The following SETD1A variants were observed in gnomAD, a reference collection of about 807,000 sequenced individuals.
SETD1A encodes histone-lysine N-methyltransferase SETD1A.
Under a neutral mutation model 149.9 loss-of-function variants are expected in SETD1A, and 29 were observed. That is an observed-to-expected ratio of 0.19 (90% confidence interval 0.14 to 0.26). The LOEUF is 0.26. Among genes scored for constraint, SETD1A ranks in the 10% least tolerant of loss-of-function variants. The probability of loss-of-function intolerance (pLI) is 1.00; values close to 1 mark genes in which losing one functional copy is unlikely to be tolerated. For synonymous variants in SETD1A, 1,141 were observed against 968.5 expected (o/e 1.18, Z -3.31); for missense variants, 2,109 against 2,353.1 (o/e 0.90, Z 2.15).
At position 30,980,151 on chromosome 16, in the gene SETD1A, C is replaced by T. The variant is rs770635944; in HGVS notation, c.4365C>T (p.Ser1455=). 26 of 1,610,156 alleles carry T rather than the reference C, an allele frequency of 1.6e-5. No individual in the cohort carries two copies. Among genetic ancestry groups the T allele is most frequent in the Non-Finnish European group, 2.1e-5 (25 of 1,178,706 alleles). The change falls in exon 14 of 19, where the codon AGC becomes AGT. Residue 1455 remains serine (S), a synonymous_variant. Transcript: ENST00000262519. The surrounding 1 kb of genome is among the most constrained non-coding windows in gnomAD (Gnocchi z 7.7). ...LTYERLLQQT[S]GADWLNDTHW... ...ACGAGCGGCTGCTGCAGCAGACAAG[C>T]GGGGCTGACTGGCTCAACGACACTC...
chr16:30,979,408 C>T lies in SETD1A; in HGVS notation c.3622C>T (p.Arg1208Cys), dbSNP rs371646434. The stretch of plus-strand genomic sequence containing the variant: ...TCCCCGGGGCGTGGAGCGGACCATC[C>T]GCAACCTGCCCCTGGACCACGCATC... ...KAPRGVERTI[R>C]NLPLDHASLV... is the part of the protein sequence containing the mutation. Residue 1208 changes from arginine to cysteine, a missense_variant, in exon 14 of 19, where the codon CGC (arginine) becomes TGC (cysteine). Arg to Cys is a radical substitution (Grantham distance 180, BLOSUM62 -3). Coordinates refer to ENST00000262519, the MANE Select transcript of SETD1A (RefSeq NM_014712.3). 90 of 1,611,470 alleles carry T rather than the reference C, an allele frequency of 5.6e-5. 2 individuals are homozygous for T. In the South Asian group the frequency reaches 7.1e-4, roughly 13 times the overall value.
At chr16:30,967,679 G>T in intron 10 of SETD1A, 91 bp downstream of exon 10, 1 of 1,065,294 alleles carries the variant, frequency 9.4e-7, no homozygotes, top group African/African-American at 1.6e-5. Flanking sequence ...AGGTCGTCCT[G>T]AGGGCACAGC....
At chr16:30,977,942 A>G (rs1469627601) in intron 13 of SETD1A, among the ~76,000 whole-genome samples, 1 of 152,156 alleles carries the variant, frequency 6.6e-6, no homozygotes, top group African/African-American at 2.4e-5. Context: ...GTCATCTGGT[A>G]ACTGACCACA....
Position 30,964,874 on chromosome 16 carries a change from C to T in SETD1A, c.1132C>T (p.Arg378Cys), listed in dbSNP as rs1484904351. The T allele has an allele frequency of 9.3e-6, 15 of 1,614,108 alleles. No homozygotes were observed. Among genetic ancestry groups the T allele is most frequent in the African/African-American group, 2.7e-5 (2 of 74,928 alleles). ...AYYESWNRYQRHTSYPPRRAT... is the reference protein window; with the variant it reads ...AYYESWNRYQCHTSYPPRRAT... ...TTATGAAAGCTGGAATCGCTACCAG[C>T]GCCATACTTCCTACCCACCACGCCG... is the stretch of plus-strand genomic sequence containing the variant. The change falls in exon 7 of 19, where the codon CGC (arginine) becomes TGC (cysteine). Residue 378 changes from arginine to cysteine, a missense_variant. This residue lies in a region of SETD1A where 410 missense variants were observed against 394.8 expected (regional missense o/e 1.04). Transcript: ENST00000262519.
chr16:30,970,563 C>T (rs72799363), intron 12 of SETD1A, among the ~76,000 whole-genome samples: 24,139 of 152,178 alleles, frequency 0.16, 2,409 homozygotes, highest in Non-Finnish European at 0.23. Flanking sequence ...CCACTGCACG[C>T]AGCCTCTTGC....
At position 30,961,237 on chromosome 16, in the gene SETD1A, A is replaced by C; in HGVS notation, c.247-30A>C. On this transcript the variant is annotated intron_variant, in intron 3 of 18. Transcript: ENST00000262519. The surrounding 1 kb of genome is among the most constrained non-coding windows in gnomAD (Gnocchi z 4.0). Reference sequence around the variant, plus strand: ...CAAAGGAACAGTGGTCAGTGTTGAGACCCCATACCAACTCCTGTTCTTTCC... The same window carrying C: ...CAAAGGAACAGTGGTCAGTGTTGAGCCCCCATACCAACTCCTGTTCTTTCC... The C allele has an allele frequency of 1.9e-6, 3 of 1,611,526 alleles. No individual in the cohort carries two copies. The highest frequency in any genetic ancestry group is 2.5e-6 in the Non-Finnish European group (3 of 1,178,148).
Position 30,961,515 on chromosome 16 carries a change from C to T in SETD1A, c.495C>T (p.Ile165=). ...LHLTSVMGNI[I]HAQLDIKGQQ... ...TTACCTCCGTCATGGGCAACATCAT[C>T]CATGCCCAGCTTGACATCAAAGGTG... Residue 165 remains isoleucine, a synonymous_variant, in exon 4 of 19, where the codon ATC becomes ATT. Coordinates refer to ENST00000262519, the MANE Select transcript of SETD1A (RefSeq NM_014712.3). The surrounding 1 kb of genome is among the most constrained non-coding windows in gnomAD (Gnocchi z 4.0). 1 of 1,614,040 alleles carries T rather than the reference C, an allele frequency of 6.2e-7. No individual in the cohort carries two copies. Among genetic ancestry groups the T allele is most frequent in the Non-Finnish European group, 8.5e-7 (1 of 1,179,988 alleles).
chr16:30,963,623 C>T, intron 5 of SETD1A, 69 bp downstream of exon 5: 1 of 1,513,654 alleles, frequency 6.6e-7, no homozygotes, highest in Non-Finnish European at 8.9e-7. Flanking sequence ...GGAGCAGGAG[C>T]AGTCTTCGGG....
At position 30,983,364 on chromosome 16, in the gene SETD1A, G is replaced by C. The variant is rs529524064; in HGVS notation, c.4813-271G>C. ...CCCCACTGTGACCAGGCAGATGCTC[G>C]AAGGAGTCAGTGGCTCTCTTACCCA... On this transcript the variant is annotated intron_variant, in intron 17 of 18. Coordinates refer to ENST00000262519, the MANE Select transcript of SETD1A (RefSeq NM_014712.3). The surrounding 1 kb of genome is among the most constrained non-coding windows in gnomAD (Gnocchi z 6.8). Among the ~76,000 whole-genome samples the C allele has an allele frequency of 3.3e-5, 5 of 152,296 alleles. No individual in the cohort carries two copies. The East Asian group carries it at 9.6e-4, about 29-fold the overall frequency.
Position 30,965,593 on chromosome 16 carries a change from C to G in SETD1A, c.1720-8C>G. 1 of 1,611,746 alleles carries G rather than the reference C, an allele frequency of 6.2e-7. No homozygotes were observed. The highest frequency in any genetic ancestry group is 8.5e-7 in the Non-Finnish European group (1 of 1,179,094). ...GAAGCCTTCTGTGACCCTCTTCTGC[C>G]CCCGCAGGCTTCTCCATGCTCTTCT... On this transcript the variant is annotated splice_region_variant and splice_polypyrimidine_tract_variant and intron_variant, in intron 7 of 18. Transcript: ENST00000262519.
At position 30,957,842 on chromosome 16, in the gene SETD1A, A is replaced by C. The variant is rs1461186237; in HGVS notation, c.-138A>C. On this transcript the variant is annotated 5_prime_UTR_variant, in exon 1 of 19. Coordinates refer to ENST00000262519, the MANE Select transcript of SETD1A (RefSeq NM_014712.3). ...CCAATCTCCAAGCTCCCTGGGCCGC[A>C]ACTTCCGAGCCTCCCAGGGCGCCGG... is the stretch of plus-strand genomic sequence containing the variant. 6.6e-6 allele frequency: 1 copy of C among 152,162 alleles called. No individual in the cohort carries two copies. The highest frequency in any genetic ancestry group is 1.5e-5 in the Non-Finnish European group (1 of 68,018). 9.4% of individuals were successfully genotyped at this position (152,162 alleles called of 1,614,324 possible).
chr16:30,960,064 C>T (rs146521121), intron 3 of SETD1A, among the ~76,000 whole-genome samples: 13 of 152,256 alleles, frequency 8.5e-5, no homozygotes, highest in African/African-American at 2.4e-4. Context: ...AGTTGGTCAC[C>T]GAATCCTCCT....
chr16:30,969,838 G>A, intron 12 of SETD1A, 149 bp downstream of exon 12: 1 of 664,032 alleles, frequency 1.5e-6, no homozygotes, highest in Non-Finnish European at 2.7e-6. Context: ...CACATTCTTA[G>A]GAACCCTTGG....
chr16:30,966,588 G>A (rs1209158704), intron 8 of SETD1A, among the ~76,000 whole-genome samples: 1 of 152,230 alleles, frequency 6.6e-6, no homozygotes, highest in Non-Finnish European at 1.5e-5. Flanking sequence ...AGGCAGCAGA[G>A]CTTTGTCCTG....
rs1172987083 is a variant in SETD1A, at chr16:30,981,174, C to G, written c.4806C>G (p.Ile1602Met). The G allele has an allele frequency of 6.2e-7, 1 of 1,614,086 alleles. No homozygotes were observed. The highest frequency in any genetic ancestry group is 1.3e-5 in the African/African-American group (1 of 75,032). ...EMVIEYVGQN[I>M]RQMVADMREK... Reference sequence around the variant, plus strand: ...TCATCGAATACGTGGGTCAGAACATCCGTCAGGTGAGGCTGCACTCCCAGC... The same window carrying G: ...TCATCGAATACGTGGGTCAGAACATGCGTCAGGTGAGGCTGCACTCCCAGC... The change falls in exon 17 of 19, where the codon ATC becomes ATG. Residue 1602 changes from isoleucine (I) to methionine (M), a missense_variant. Physicochemically the swap from Ile to Met is conservative, Grantham distance 10 (BLOSUM62 1). Around this residue, in one of 8 missense-constraint regions of SETD1A, gnomAD observed 254 missense variants for 409.3 expected, o/e 0.62. Coordinates refer to ENST00000262519, the MANE Select transcript of SETD1A (RefSeq NM_014712.3).
At chr16:30,968,846 T>C (rs1201391904) in intron 10 of SETD1A, among the ~76,000 whole-genome samples, 2 of 151,886 alleles carry the variant, frequency 1.3e-5, no homozygotes, top group African/African-American at 4.8e-5. Context: ...GGCTCACGCC[T>C]ATAATCCCAG....
chr16:30,983,123 G>A lies in SETD1A; in HGVS notation c.4813-512G>A, dbSNP rs539499413. 6.6e-6 allele frequency among the ~76,000 whole-genome samples: 1 copy of A among 152,316 alleles called. No individual in the cohort carries two copies. The highest frequency in any genetic ancestry group is 2.4e-5 in the African/African-American group (1 of 41,568). ...AGGTCACCCGAGGAGGGCGTGCAGA[G>A]GCTCCTCACTGTCTTCTGGGAAGTA... On this transcript the variant is annotated intron_variant, in intron 17 of 18. Coordinates refer to ENST00000262519, the MANE Select transcript of SETD1A (RefSeq NM_014712.3). The surrounding 1 kb of genome is among the most constrained non-coding windows in gnomAD (Gnocchi z 6.8).
At chr16:30,966,589 C>T (rs1257318960) in intron 8 of SETD1A, among the ~76,000 whole-genome samples, 1 of 152,194 alleles carries the variant, frequency 6.6e-6, no homozygotes, top group Non-Finnish European at 1.5e-5. Flanking sequence ...GGCAGCAGAG[C>T]TTTGTCCTGG....
intron 13 of SETD1A, among the ~76,000 whole-genome samples, chr16:30,974,585 A>T (rs1351871754): frequency 2.0e-5 from 3 of 152,170 alleles, no homozygotes; most frequent in Admixed American, 2.0e-4. Flanking sequence ...TGCATTTGAC[A>T]GTTAGGAGGT....
Sources: gnomAD v4.1 joint callset for allele counts (sites outside exome capture counted in the v4.1 genomes callset) on GRCh38, gnomAD v4.1.1 for gene constraint, gnomAD v4.1.1 regional missense constraint, Gnocchi (gnomAD v3.1) non-coding constraint, MANE v1.5 for transcripts, NCBI Gene and HGNC (gene_info 2026-07-23, HGNC 2026-07-21) for gene names.